The following PTPRD variants were observed in gnomAD, a reference collection of about 807,000 sequenced individuals.
The protein encoded by PTPRD is protein tyrosine phosphatase receptor type D.
In PTPRD, 34 loss-of-function variants were observed where a neutral mutation model predicts 214.5. The observed-to-expected ratio is 0.16, with a 90% confidence interval of 0.12 to 0.21. The LOEUF (loss-of-function observed/expected upper bound fraction) is 0.21. Among genes scored for constraint, PTPRD ranks in the 10% least tolerant of loss-of-function variants. PTPRD has a pLI of 1.00. For synonymous variants in PTPRD, 1,128 were observed against 845.7 expected (o/e 1.33, Z -5.79); for missense variants, 2,545 against 2,398.7 (o/e 1.06, Z -1.27).
At chr9:9,675,200 T>C (rs1442616584) in intron 7 of PTPRD, among the ~76,000 whole-genome samples, 1 of 151,952 alleles carries the variant, frequency 6.6e-6, no homozygotes, top group Non-Finnish European at 1.5e-5. Flanking sequence ...ATCTCATGTG[T>C]CCTTAGAGAA....
intron 10 of PTPRD, among the ~76,000 whole-genome samples, chr9:9,073,238 G>T (rs1442373274): frequency 6.6e-6 from 1 of 152,126 alleles, no homozygotes; most frequent in Non-Finnish European, 1.5e-5. Flanking sequence ...ACTGTGCAAG[G>T]CATTGTTACA....
At chr9:9,094,719 C>T (rs879293141) in intron 10 of PTPRD, among the ~76,000 whole-genome samples, 9 of 152,062 alleles carry the variant, frequency 5.9e-5, no homozygotes, top group Non-Finnish European at 1.3e-4. Flanking sequence ...CAGATGGCTT[C>T]CCTAATAAAT....
intron 14 of PTPRD, among the ~76,000 whole-genome samples, chr9:8,539,373 A>G (rs938734988): frequency 3.3e-5 from 5 of 152,018 alleles, no homozygotes; most frequent in Non-Finnish European, 4.4e-5. Context: ...GCTGATGCCA[A>G]TGATATTAAT....
intron 5 of PTPRD, among the ~76,000 whole-genome samples, chr9:9,929,712 G>T (rs917072540): frequency 5.9e-5 from 9 of 152,158 alleles, no homozygotes; most frequent in African/African-American, 2.2e-4. Flanking sequence ...TTTTAAAGAG[G>T]TTTCTGAAAG....
chr9:9,374,897 A>G (rs1390040703), intron 9 of PTPRD, among the ~76,000 whole-genome samples: 2 of 152,334 alleles, frequency 1.3e-5, no homozygotes, highest in East Asian at 1.9e-4. Flanking sequence ...CTACCTGCTT[A>G]TCAATAACAA....
chr9:8,584,156 A>C (rs1413326657), intron 14 of PTPRD, among the ~76,000 whole-genome samples: 1 of 152,184 alleles, frequency 6.6e-6, no homozygotes, highest in Non-Finnish European at 1.5e-5. Context: ...CCTGTCTCAA[A>C]ATTTTTAAAA....
chr9:9,128,468 C>A (rs973035620), intron 10 of PTPRD, among the ~76,000 whole-genome samples: 3 of 152,152 alleles, frequency 2.0e-5, no homozygotes, highest in African/African-American at 7.2e-5. Context: ...TTCAATTATA[C>A]ACGTATGCAT....
At chr9:10,037,404 C>T (rs972706643) in intron 3 of PTPRD, among the ~76,000 whole-genome samples, 1 of 152,178 alleles carries the variant, frequency 6.6e-6, no homozygotes, top group Admixed American at 6.5e-5. Flanking sequence ...CACCTCTCTG[C>T]ACCCTTCCTC....
At chr9:9,904,697 T>G (rs891912289) in intron 5 of PTPRD, among the ~76,000 whole-genome samples, 5 of 151,870 alleles carry the variant, frequency 3.3e-5, no homozygotes, top group Non-Finnish European at 5.9e-5. Flanking sequence ...TAAGGCAAAA[T>G]ATAAGGTTAA....
intron 9 of PTPRD, among the ~76,000 whole-genome samples, chr9:9,319,506 C>T (rs1965300652): frequency 6.6e-6 from 1 of 152,154 alleles, no homozygotes; most frequent in Non-Finnish European, 1.5e-5. Context: ...TTCAGACTAG[C>T]AGAAATTCTG....
intron 11 of PTPRD, among the ~76,000 whole-genome samples, chr9:9,007,099 G>A (rs1184740229): frequency 2.6e-5 from 4 of 151,836 alleles, no homozygotes; most frequent in Non-Finnish European, 5.9e-5. Context: ...AATACTGTGT[G>A]TGCTCCCATC....
chr9:10,011,589 G>C (rs535672513), intron 4 of PTPRD, among the ~76,000 whole-genome samples: 3 of 151,960 alleles, frequency 2.0e-5, no homozygotes, highest in Non-Finnish European at 2.9e-5. Context: ...TAAATACCCA[G>C]TGCAAGATTG....
At chr9:9,199,140 C>T (rs1593389888) in intron 9 of PTPRD, among the ~76,000 whole-genome samples, 1 of 151,856 alleles carries the variant, frequency 6.6e-6, no homozygotes, top group Non-Finnish European at 1.5e-5. Context: ...ATATCATCCC[C>T]TAGGTAAAAA....
At chr9:8,761,565 C>A (rs1453025301) in intron 11 of PTPRD, among the ~76,000 whole-genome samples, 7 of 152,130 alleles carry the variant, frequency 4.6e-5, no homozygotes, top group Non-Finnish European at 1.0e-4. Context: ...GAAAGCGGAG[C>A]TGCAAAGGTT....
intron 4 of PTPRD, among the ~76,000 whole-genome samples, chr9:9,964,538 G>C (rs1164722745): frequency 1.3e-5 from 2 of 152,170 alleles, no homozygotes; most frequent in Non-Finnish European, 2.9e-5. Context: ...TTATGACTCA[G>C]TGGAAACGGG....
intron 3 of PTPRD, among the ~76,000 whole-genome samples, chr9:10,268,898 A>G (rs1310359501): frequency 1.3e-5 from 2 of 152,178 alleles, no homozygotes; most frequent in Non-Finnish European, 1.5e-5. Flanking sequence ...TCTCAGCAAC[A>G]TTGGCATTAT....
At chr9:10,559,249 C>T (rs2131434017) in intron 2 of PTPRD, among the ~76,000 whole-genome samples, 2 of 152,158 alleles carry the variant, frequency 1.3e-5, no homozygotes, top group Middle Eastern at 3.4e-3. Flanking sequence ...TATTAAGTTG[C>T]AGGGGTTATA....
intron 3 of PTPRD, among the ~76,000 whole-genome samples, chr9:10,239,156 T>C (rs930790123): frequency 6.6e-6 from 1 of 151,924 alleles, no homozygotes; most frequent in African/African-American, 2.4e-5. Context: ...TCTATCTAAA[T>C]TTAAAAAAGA....
intron 7 of PTPRD, among the ~76,000 whole-genome samples, chr9:9,728,255 T>C (rs556008921): frequency 3.9e-5 from 6 of 152,222 alleles, no homozygotes; most frequent in Non-Finnish European, 8.8e-5. Context: ...ATCTGCAGAG[T>C]GAAAACAAAC....
Sources: gnomAD v4.1 joint callset for allele counts (sites outside exome capture counted in the v4.1 genomes callset) on GRCh38, gnomAD v4.1.1 for gene constraint, MANE v1.5 for transcripts, NCBI Gene and HGNC (gene_info 2026-07-23, HGNC 2026-07-21) for gene names.